KALRN: variants seen among roughly 807,000 people sequenced by gnomAD.
The protein encoded by KALRN is kalirin.
A neutral mutation model predicts 353.7 loss-of-function variants in KALRN; 70 were observed. That is an observed-to-expected ratio of 0.20 (90% CI 0.16 to 0.24). KALRN has a LOEUF of 0.24. Ranked by LOEUF, KALRN falls within the 10% of genes least tolerant of loss-of-function variation. KALRN has a pLI of 1.00. For synonymous variants in KALRN, 1,391 were observed against 1,434.8 expected, an observed-to-expected ratio of 0.97 and a Z score of 0.69; for missense variants, 2,791 against 3,756.7, an observed-to-expected ratio of 0.74 and a Z score of 6.72.
In KALRN at chr3:124,719,536, CTG is replaced by C; in HGVS notation, c.*68_*69del. On this transcript the variant is annotated 3_prime_UTR_variant, in exon 60 of 60. Coordinates refer to ENST00000682506, the MANE Select transcript of KALRN (RefSeq NM_001388419.1). The surrounding 1 kb of genome is among the most constrained non-coding windows in gnomAD (Gnocchi z 5.3). ...TGAACCAAAGCAAGACTGAATGTGA[CTG>C]TAAATAATTCTGTTCATCATTTCAC... 7.1e-7 allele frequency: 1 copy of C among 1,409,878 alleles called. No individual in the cohort carries two copies. Among genetic ancestry groups the C allele is most frequent in the Non-Finnish European group, 9.8e-7 (1 of 1,025,414 alleles). The allele number at this position is 1,409,878 out of a possible 1,614,324, so 87.3% of individuals were successfully genotyped here. A position where few individuals can be genotyped will look rare whatever the true frequency, so the allele number is the denominator to read the frequency against.
chr3:124,630,721 G>A (rs1357024776), intron 34 of KALRN, among the ~76,000 whole-genome samples: 3 of 152,086 alleles, frequency 2.0e-5, no homozygotes, highest in Admixed American at 6.5e-5. Flanking sequence ...AGAGTTATAC[G>A]GAGAATGAAA....
chr3:124,627,216 C>T (rs1038651661), intron 34 of KALRN, among the ~76,000 whole-genome samples: 5 of 152,184 alleles, frequency 3.3e-5, no homozygotes, highest in Non-Finnish European at 5.9e-5. Context: ...TGGAAATGGT[C>T]TTATCCCAAG....
chr3:124,112,854 A>T (rs138703706), intron 1 of KALRN, among the ~76,000 whole-genome samples: 2 of 152,222 alleles, frequency 1.3e-5, no homozygotes, highest in Non-Finnish European at 2.9e-5. Flanking sequence ...GGTGGGGACA[A>T]GTAGGGTAAA....
At position 124,188,262 on chromosome 3, in the gene KALRN, G is replaced by C. The variant is rs140134393; in HGVS notation, c.74-39728G>C. 3.9e-3 allele frequency among the ~76,000 whole-genome samples: 592 copies of C among 152,270 alleles called. 12 individuals carry two copies. Among genetic ancestry groups the C allele is most frequent in the Non-Finnish European group, 1.1e-3 (76 of 68,016 alleles). On this transcript the variant is annotated intron_variant, in intron 1 of 59. Coordinates refer to ENST00000682506, the MANE Select transcript of KALRN (RefSeq NM_001388419.1). Reference sequence around the variant, plus strand: ...AGGTCTGGGGTTGGGGGAGGAGTCTGCATGTTTTAAAAGGTCCTCAGATAA... The same window carrying C: ...AGGTCTGGGGTTGGGGGAGGAGTCTCCATGTTTTAAAAGGTCCTCAGATAA...
intron 25 of KALRN, 58 bp downstream of exon 25, chr3:124,462,691 G>C: frequency 2.0e-6 from 2 of 1,000,932 alleles, no homozygotes; most frequent in Non-Finnish European, 3.1e-6. Flanking sequence ...CAGACAACAG[G>C]GTTCCCAAGA....
chr3:124,193,289 C>T (rs2075119773), intron 1 of KALRN, among the ~76,000 whole-genome samples: 1 of 152,016 alleles, frequency 6.6e-6, no homozygotes, highest in African/African-American at 2.4e-5. Flanking sequence ...TCTCTCACTC[C>T]CACATTTTTA....
intron 6 of KALRN, among the ~76,000 whole-genome samples, chr3:124,314,131 A>T (rs1241196143): frequency 2.0e-5 from 3 of 152,148 alleles, no homozygotes; most frequent in African/African-American, 7.2e-5. Flanking sequence ...CTGGATTAAG[A>T]AAATGTGGCA....
intron 21 of KALRN, among the ~76,000 whole-genome samples, chr3:124,452,172 A>G (rs2058848922): frequency 6.6e-6 from 1 of 152,170 alleles, no homozygotes; most frequent in Non-Finnish European, 1.5e-5. Flanking sequence ...CCATTTCAGA[A>G]TACTCCCAGT....
rs1013875369 is a variant in KALRN at position 124,033,821 on chromosome 3, G to A, written c.73+8G>A. On this transcript the variant is annotated splice_region_variant and intron_variant, in intron 1 of 59. Coordinates refer to ENST00000682506, the MANE Select transcript of KALRN (RefSeq NM_001388419.1). The surrounding 1 kb of genome is among the most constrained non-coding windows in gnomAD (Gnocchi z 6.2). ...ACGCCTTTTTCCGGACAGGTAAGCCGGGCAGGGCGCGGGGGGCCAGGGCTG... is the reference window on the plus strand; with the variant it reads ...ACGCCTTTTTCCGGACAGGTAAGCCAGGCAGGGCGCGGGGGGCCAGGGCTG... Among the ~76,000 whole-genome samples the A allele has an allele frequency of 1.3e-5, 2 of 152,214 alleles. No homozygotes were observed. Among genetic ancestry groups the A allele is most frequent in the African/African-American group, 4.8e-5 (2 of 41,460 alleles).
chr3:124,405,805 G>A (rs982029850), intron 13 of KALRN, among the ~76,000 whole-genome samples: 4 of 151,880 alleles, frequency 2.6e-5, no homozygotes, highest in African/African-American at 4.8e-5. Flanking sequence ...CACCACACCC[G>A]GCTAATTTTT....
chr3:124,668,933 T>C (rs1306874776), intron 47 of KALRN, among the ~76,000 whole-genome samples: 1 of 152,204 alleles, frequency 6.6e-6, no homozygotes, highest in Non-Finnish European at 1.5e-5. Flanking sequence ...ATTTTAAAAT[T>C]CATCAATTTG....
intron 1 of KALRN, among the ~76,000 whole-genome samples, chr3:124,085,104 C>T (rs140822268): frequency 2.6e-5 from 4 of 152,184 alleles, no homozygotes; most frequent in Non-Finnish European, 2.9e-5. Context: ...GTAGAGATGG[C>T]AGGTTTTAAA....
chr3:124,124,384 G>A (rs2064383907), intron 1 of KALRN, among the ~76,000 whole-genome samples: 1 of 152,198 alleles, frequency 6.6e-6, no homozygotes, highest in South Asian at 2.1e-4. Context: ...AATGGATGAG[G>A]AGCTGCTTCC....
chr3:124,539,114 G>A (rs2068778115), intron 33 of KALRN, among the ~76,000 whole-genome samples: 1 of 152,234 alleles, frequency 6.6e-6, no homozygotes, highest in Non-Finnish European at 1.5e-5. Flanking sequence ...CTATGGGGAT[G>A]TGATCTGTAG....
intron 1 of KALRN, among the ~76,000 whole-genome samples, chr3:124,188,757 G>A (rs949330770): frequency 3.3e-5 from 5 of 152,130 alleles, no homozygotes; most frequent in African/African-American, 9.7e-5. Flanking sequence ...CATGGATGCT[G>A]GCAGAAGTTA....
intron 1 of KALRN, among the ~76,000 whole-genome samples, chr3:124,117,314 A>T (rs1031798032): frequency 2.7e-5 from 4 of 149,108 alleles, no homozygotes; most frequent in African/African-American, 1.0e-4. Context: ...GGAAAAGAAA[A>T]ACAGTGTTTT....
intron 1 of KALRN, among the ~76,000 whole-genome samples, chr3:124,103,468 G>C (rs2062035283): frequency 6.6e-6 from 1 of 152,124 alleles, no homozygotes; most frequent in Non-Finnish European, 1.5e-5. Context: ...ATAAGTGATG[G>C]GTTTGCTCTT....
intron 34 of KALRN, among the ~76,000 whole-genome samples, chr3:124,624,290 C>A (rs1224657229): frequency 1.3e-5 from 2 of 152,132 alleles, no homozygotes; most frequent in Non-Finnish European, 2.9e-5. Context: ...AATGATGGCT[C>A]CCAAAGCGCA....
chr3:124,363,717 T>A (rs1386560808), intron 10 of KALRN, among the ~76,000 whole-genome samples: 1 of 152,242 alleles, frequency 6.6e-6, no homozygotes, highest in South Asian at 2.1e-4. Context: ...GAACTCTTGA[T>A]GCCCTGGGCT....
Sources: allele counts gnomAD v4.1 joint callset (sites outside exome capture counted in the v4.1 genomes callset), GRCh38; gene constraint gnomAD v4.1.1; non-coding constraint Gnocchi (gnomAD v3.1); transcripts MANE v1.5; gene names NCBI Gene and HGNC (gene_info 2026-07-23, HGNC 2026-07-21).